Variants in RAB3GAP1 observed in about 807,000 individuals in gnomAD.
RAB3GAP1 encodes RAB3 GTPase activating protein catalytic subunit 1.
A neutral mutation model predicts 130.7 loss-of-function variants in RAB3GAP1; 86 were observed. The ratio of observed to expected loss-of-function variants is 0.66; its 90% CI spans 0.55 to 0.79. The LOEUF (loss-of-function observed/expected upper bound fraction) is 0.79, where lower values mean the gene tolerates loss of function less well. Among genes scored for constraint, RAB3GAP1 ranks in the 30% least tolerant of loss-of-function variants. The pLI is 0.00. For synonymous variants in RAB3GAP1, 367 were observed against 401.7 expected, an observed-to-expected ratio of 0.91 and a Z score of 1.03; for missense variants, 1,029 against 1,169.4, an observed-to-expected ratio of 0.88 and a Z score of 1.75.
At chr2:135,104,392 G>C (rs917997356) in intron 5 of RAB3GAP1, among the ~76,000 whole-genome samples, 23 of 152,058 alleles carry the variant, frequency 1.5e-4, no homozygotes, top group Admixed American at 1.2e-3. Flanking sequence ...ACCCATACAA[G>C]GGGAAAAAAT....
intron 17 of RAB3GAP1, 122 bp downstream of exon 17, chr2:135,136,054 G>A (rs566395590): frequency 5.1e-5 from 68 of 1,328,734 alleles, no homozygotes; most frequent in Admixed American, 1.1e-4. Context: ...GGCCAGATGC[G>A]GTGGCTTACG....
At chr2:135,071,804 T>C (rs1229916515) in intron 3 of RAB3GAP1, among the ~76,000 whole-genome samples, 1 of 152,220 alleles carries the variant, frequency 6.6e-6, no homozygotes, top group Admixed American at 6.5e-5. Flanking sequence ...CACTTCCTGC[T>C]AACCATGGGT....
At chr2:135,164,115 C>T (rs1446383601) in intron 22 of RAB3GAP1, among the ~76,000 whole-genome samples, 2 of 152,184 alleles carry the variant, frequency 1.3e-5, no homozygotes, top group Non-Finnish European at 2.9e-5. Flanking sequence ...CATCTAATGG[C>T]ACAGTTTACA....
intron 19 of RAB3GAP1, among the ~76,000 whole-genome samples, chr2:135,156,448 C>CT (rs1200172143): frequency 6.6e-6 from 1 of 152,038 alleles, no homozygotes; most frequent in African/African-American, 2.4e-5. Flanking sequence ...TAAACAGACT[C>CT]TAATATCATT....
At chr2:135,175,079 T>C (rs375613292), downstream of RAB3GAP1, among the ~76,000 whole-genome samples, 33 of 152,374 alleles carry the variant, frequency 2.2e-4, no homozygotes, top group South Asian at 5.8e-3. Flanking sequence ...TGGCCTGTCC[T>C]CTTAGGGACT....
chr2:135,164,576 C>T lies in RAB3GAP1; in HGVS notation c.2607-18C>T. ...CAGCTCACTTTCCACCCTTTCATTGCCTGTCTCTGTCTCCTAGGTTTGTGA... is the reference window on the plus strand; with the variant it reads ...CAGCTCACTTTCCACCCTTTCATTGTCTGTCTCTGTCTCCTAGGTTTGTGA... On this transcript the variant is annotated intron_variant, in intron 22 of 23. Coordinates refer to ENST00000264158, the MANE Select transcript of RAB3GAP1 (RefSeq NM_012233.3). The T allele has an allele frequency of 6.3e-7, 1 of 1,586,802 alleles. No individual in the cohort carries two copies. The highest frequency in any genetic ancestry group is 8.6e-7 in the Non-Finnish European group (1 of 1,156,498).
At chr2:135,117,809 T>C (rs1037896147) in intron 7 of RAB3GAP1, among the ~76,000 whole-genome samples, 1 of 110,324 alleles carries the variant, frequency 9.1e-6, no homozygotes, top group Non-Finnish European at 2.0e-5. Context: ...CTTCTTCTTC[T>C]TTCTTCTTCT....
intron 5 of RAB3GAP1, among the ~76,000 whole-genome samples, chr2:135,095,882 A>T (rs1236510245): frequency 6.6e-6 from 1 of 152,198 alleles, no homozygotes; most frequent in African/African-American, 2.4e-5. Context: ...GGGTGAGTAT[A>T]GTACAATAAG....
Position 135,135,934 on chromosome 2 carries a change from T to C in RAB3GAP1, c.1923+2T>C. ...CCTCTCTACATTCCAGTAACCCAGG[T>C]AGGATGCACTAGTTCTTTCCATTTT... is the stretch of plus-strand genomic sequence containing the variant. On this transcript the variant is annotated splice_donor_variant, in intron 17 of 23. Transcript: ENST00000264158. LOFTEE classifies it high-confidence loss of function. 1 of 1,613,046 alleles carries C rather than the reference T, an allele frequency of 6.2e-7. No individual in the cohort carries two copies. Among genetic ancestry groups the C allele is most frequent in the African/African-American group, 1.3e-5 (1 of 75,024 alleles).
chr2:135,135,495 C>T, intron 16 of RAB3GAP1, 69 bp from the exon 17 acceptor site: 1 of 1,490,188 alleles, frequency 6.7e-7, no homozygotes, highest in Non-Finnish European at 9.1e-7. Flanking sequence ...ATTAAATATT[C>T]AAGCAGTAGG....
intron 3 of RAB3GAP1, among the ~76,000 whole-genome samples, chr2:135,083,080 GT>G (rs71400522): frequency 3.6e-4 from 52 of 145,752 alleles, no homozygotes; most frequent in Admixed American, 7.5e-4. Flanking sequence ...TTGTATTGAT[GT>G]TTTTTTTTTT....
intron 13 of RAB3GAP1, 59 bp downstream of exon 13, chr2:135,130,780 C>T: frequency 1.3e-6 from 2 of 1,488,320 alleles, no homozygotes; most frequent in Non-Finnish European, 1.9e-6. Context: ...CATTATATAG[C>T]CAGTTCCTTT....
chr2:135,113,003 G>T, intron 5 of RAB3GAP1, 148 bp from the exon 6 acceptor site: 1 of 1,013,994 alleles, frequency 9.9e-7, no homozygotes, highest in Non-Finnish European at 1.5e-6. Flanking sequence ...TTGAGGTCTT[G>T]TAGGTTCTGT....
At chr2:135,081,167 C>T (rs1003247381) in intron 3 of RAB3GAP1, among the ~76,000 whole-genome samples, 5 of 150,240 alleles carry the variant, frequency 3.3e-5, no homozygotes, top group South Asian at 4.2e-4. Context: ...ATTAGCCGGG[C>T]GTGGTGGTGG....
At chr2:135,135,032 T>C (rs1691640534) in intron 15 of RAB3GAP1, among the ~76,000 whole-genome samples, 1 of 152,210 alleles carries the variant, frequency 6.6e-6, no homozygotes, top group African/African-American at 2.4e-5. Context: ...GCTGTTATGT[T>C]TTGAAATATC....
chr2:135,131,999 C>T (rs993036818), intron 13 of RAB3GAP1, among the ~76,000 whole-genome samples: 1 of 152,188 alleles, frequency 6.6e-6, no homozygotes, highest in African/African-American at 2.4e-5. Context: ...AACTTTTTAG[C>T]TTGTACATCG....
intron 3 of RAB3GAP1, among the ~76,000 whole-genome samples, chr2:135,087,896 G>A (rs956796916): frequency 6.6e-6 from 1 of 152,070 alleles, no homozygotes; most frequent in Admixed American, 6.6e-5. Context: ...TGAATTACTA[G>A]GTCAGTTTTG....
At chr2:135,152,405 A>G (rs1376342157) in intron 18 of RAB3GAP1, among the ~76,000 whole-genome samples, 1 of 152,226 alleles carries the variant, frequency 6.6e-6, no homozygotes, top group African/African-American at 2.4e-5. Flanking sequence ...TTGGTATGAA[A>G]TGCCTTTCTT....
chr2:135,098,272 A>C (rs1310173045), intron 5 of RAB3GAP1, among the ~76,000 whole-genome samples: 10 of 152,054 alleles, frequency 6.6e-5, no homozygotes, highest in African/African-American at 2.2e-4. Flanking sequence ...TTTGGATGTA[A>C]ATCTTTTTTA....
Sources: allele counts gnomAD v4.1 joint callset (sites outside exome capture counted in the v4.1 genomes callset), GRCh38; gene constraint gnomAD v4.1.1; transcripts MANE v1.5; gene names NCBI Gene and HGNC (gene_info 2026-07-23, HGNC 2026-07-21).